The following PTPN9 variants were observed in gnomAD, a reference collection of about 807,000 sequenced individuals.
The protein encoded by PTPN9 is tyrosine-protein phosphatase non-receptor type 9.
PTPN9 carries 26 observed loss-of-function variants against 69.8 expected under a neutral mutation model. The observed-to-expected ratio is 0.37, with a 90% CI of 0.27 to 0.52. The LOEUF (loss-of-function observed/expected upper bound fraction) is 0.52. Among genes scored for constraint, PTPN9 ranks in the 20% least tolerant of loss-of-function variants. The pLI is 0.91. For missense variants in PTPN9, 549 were observed against 740.3 expected (o/e 0.74, Z 3.00); for synonymous variants, 274 against 272.5 (o/e 1.01, Z -0.05).
At chr15:75,537,442 CTAAAAAAA>C (rs1216515742) in intron 1 of PTPN9, among the ~76,000 whole-genome samples, 6 of 49,752 alleles carry the variant, frequency 1.2e-4, no homozygotes, top group African/African-American at 7.5e-4. Flanking sequence ...AATATCTTCC[CTAAAAAAA>C]AAAAAAAAAA....
intron 4 of PTPN9, among the ~76,000 whole-genome samples, chr15:75,522,552 C>T (rs113916006): frequency 0.2 from 30,761 of 151,720 alleles, 3,541 homozygotes; most frequent in Non-Finnish European, 0.26. Flanking sequence ...TAAAGGTGCA[C>T]GCTACCACAC....
At chr15:75,576,871 T>C (rs1241462403) in intron 1 of PTPN9, among the ~76,000 whole-genome samples, 2 of 152,248 alleles carry the variant, frequency 1.3e-5, no homozygotes, top group South Asian at 2.1e-4. Flanking sequence ...AGTACTCTTA[T>C]GTGATATTAA....
At chr15:75,528,681 A>G (rs567614849) in intron 1 of PTPN9, among the ~76,000 whole-genome samples, 1 of 149,042 alleles carries the variant, frequency 6.7e-6, no homozygotes, top group East Asian at 2.0e-4. Flanking sequence ...GGCATGAGCC[A>G]CTGCCCTCAG....
At chr15:75,470,084 C>G in intron 11 of PTPN9, 85 bp from the exon 12 acceptor site, 1 of 1,228,578 alleles carries the variant, frequency 8.1e-7, no homozygotes, top group East Asian at 2.5e-5. Flanking sequence ...TCTCAACACC[C>G]TGGTTATCCC....
chr15:75,504,776 G>T (rs1389647078), intron 7 of PTPN9, among the ~76,000 whole-genome samples: 5 of 134,100 alleles, frequency 3.7e-5, no homozygotes. Context: ...TGCCCGGCCA[G>T]CCGCCCCGTC....
chr15:75,476,641 C>T (rs182156496), intron 9 of PTPN9, among the ~76,000 whole-genome samples: 1 of 152,262 alleles, frequency 6.6e-6, no homozygotes, highest in African/African-American at 2.4e-5. Flanking sequence ...ATGCCTATAT[C>T]TGCATGTATG....
At chr15:75,536,643 G>A (rs1459979573) in intron 1 of PTPN9, among the ~76,000 whole-genome samples, 1 of 152,134 alleles carries the variant, frequency 6.6e-6, no homozygotes, top group Non-Finnish European at 1.5e-5. Context: ...GGAGAATGGT[G>A]GGAGATGTGT....
chr15:75,522,881 T>C (rs570988851), intron 4 of PTPN9, among the ~76,000 whole-genome samples: 1 of 152,324 alleles, frequency 6.6e-6, no homozygotes, highest in Admixed American at 6.5e-5. Context: ...TTGCCGATAA[T>C]TGACTTTCTC....
chr15:75,482,456 T>G (rs1248109976), intron 8 of PTPN9, among the ~76,000 whole-genome samples: 1 of 146,878 alleles, frequency 6.8e-6, no homozygotes, highest in East Asian at 2.1e-4. Context: ...TCCCAGCTAC[T>G]CGGGAGGCTG....
intron 4 of PTPN9, among the ~76,000 whole-genome samples, chr15:75,521,437 C>T (rs1231794142): frequency 2.0e-5 from 3 of 151,642 alleles, no homozygotes; most frequent in African/African-American, 7.3e-5. Context: ...GGGGGACAGA[C>T]CGAGACTCCG....
chr15:75,468,450 AAGG>A lies in PTPN9; in HGVS notation c.*316_*318del. ...ACCTCAGAAAAAGAATGGCGGGAGA[AAGG>A]AGGAGGGAGGTTCCTTCCCCACTTA... On this transcript the variant is annotated 3_prime_UTR_variant, in exon 13 of 13. Transcript: ENST00000618819. The A allele has an allele frequency of 4.6e-6, 1 of 218,948 alleles. No homozygotes were observed. The highest frequency in any genetic ancestry group is 9.2e-6 in the Non-Finnish European group (1 of 109,150). 13.6% of individuals were successfully genotyped at this position (218,948 alleles called of 1,614,324 possible).
chr15:75,578,626 T>C, intron 1 of PTPN9, 88 bp downstream of exon 1: 24 of 1,093,708 alleles, frequency 2.2e-5, no homozygotes, highest in Non-Finnish European at 2.8e-5. Flanking sequence ...GCCCCGTGGC[T>C]GCAAAGAGCC....
At chr15:75,482,798 AC>A (rs1237113157) in intron 8 of PTPN9, among the ~76,000 whole-genome samples, 3 of 149,428 alleles carry the variant, frequency 2.0e-5, no homozygotes, top group African/African-American at 7.3e-5. Context: ...AAAAAAAAAT[AC>A]AAAAAAATAG....
At chr15:75,538,918 C>T (rs2074996567) in intron 1 of PTPN9, among the ~76,000 whole-genome samples, 3 of 151,916 alleles carry the variant, frequency 2.0e-5, no homozygotes, top group African/African-American at 7.3e-5. Context: ...ACCTGTAACC[C>T]CAACACTTTG....
chr15:75,551,491 C>T (rs1208419581), intron 1 of PTPN9, among the ~76,000 whole-genome samples: 3 of 152,178 alleles, frequency 2.0e-5, no homozygotes, highest in Non-Finnish European at 2.9e-5. Flanking sequence ...TCCCAAATAG[C>T]TGGGACTACA....
chr15:75,469,853 G>A lies in PTPN9; in HGVS notation c.1506C>T (p.Ser502=), dbSNP rs1356961875. 1.9e-6 allele frequency: 3 copies of A among 1,613,888 alleles called. No individual in the cohort carries two copies. The highest frequency in any genetic ancestry group is 2.5e-6 in the Non-Finnish European group (3 of 1,180,034). Residue 502 remains serine, a synonymous_variant, in exon 12 of 13, where the codon TCC becomes TCT. Transcript: ENST00000618819. ...SLAVSNMGAR[S]KGQCPEPPIV... is the part of the protein sequence containing the mutation. Reference sequence around the variant, plus strand: ...TGGGTGGCTCAGGGCACTGCCCTTTGGAGCGTGCTCCCATGTTGCTCACAG... The same window carrying A: ...TGGGTGGCTCAGGGCACTGCCCTTTAGAGCGTGCTCCCATGTTGCTCACAG...
At chr15:75,521,892 G>A (rs373687772) in intron 4 of PTPN9, among the ~76,000 whole-genome samples, 5 of 152,208 alleles carry the variant, frequency 3.3e-5, no homozygotes, top group South Asian at 2.1e-4. Flanking sequence ...CTCAAGAAGC[G>A]AGTGGATTCA....
intron 1 of PTPN9, among the ~76,000 whole-genome samples, chr15:75,554,041 A>G (rs1416187709): frequency 2.1e-5 from 3 of 143,786 alleles, no homozygotes; most frequent in Non-Finnish European, 4.5e-5. Context: ...TTTAAGACAG[A>G]ATCTTGCTCT....
chr15:75,492,640 T>C (rs2074717164), intron 7 of PTPN9, among the ~76,000 whole-genome samples: 3 of 152,190 alleles, frequency 2.0e-5, no homozygotes, highest in Admixed American at 2.0e-4. Context: ...AATTCTGTCA[T>C]TTGGAGAATA....
Sources: allele counts gnomAD v4.1 joint callset (sites outside exome capture counted in the v4.1 genomes callset), GRCh38; gene constraint gnomAD v4.1.1; transcripts MANE v1.5; gene names NCBI Gene and HGNC (gene_info 2026-07-23, HGNC 2026-07-21).